LPA: variants seen among roughly 807,000 people sequenced by gnomAD.
The protein encoded by LPA is lipoprotein(a).
A neutral mutation model predicts 197.9 loss-of-function variants in LPA; 199 were observed. That is an observed-to-expected ratio of 1.01 (90% CI 0.90 to 1.13). The LOEUF (loss-of-function observed/expected upper bound fraction) is 1.13. LPA is among the 50% of genes most tolerant of loss of function. LPA has a pLI of 0.00. For synonymous variants in LPA, 715 were observed against 639.5 expected, an observed-to-expected ratio of 1.12 and a Z score of -1.78; for missense variants, 1,853 against 1,785.8, an observed-to-expected ratio of 1.04 and a Z score of -0.68.
At chr6:160,655,443 A>T (rs1780116044) in intron 1 of LPA, among the ~76,000 whole-genome samples, 1 of 152,184 alleles carries the variant, frequency 6.6e-6, no homozygotes, top group Non-Finnish European at 1.5e-5. Flanking sequence ...CCTGTTTCAG[A>T]GCCTTCTTTT....
At chr6:160,587,883 A>T (rs904578214) in intron 24 of LPA, among the ~76,000 whole-genome samples, 4 of 151,604 alleles carry the variant, frequency 2.6e-5, no homozygotes, top group Non-Finnish European at 5.9e-5. Context: ...TCCTACCGTA[A>T]TGTCTAAAGT....
chr6:160,552,560 GT>G (rs1321548623), intron 30 of LPA, among the ~76,000 whole-genome samples: 5 of 152,252 alleles, frequency 3.3e-5, no homozygotes, highest in East Asian at 3.9e-4. Context: ...TACAGAAAAA[GT>G]TTTTGCACAT....
chr6:160,576,384 A>ATG (rs1562327960), intron 28 of LPA, among the ~76,000 whole-genome samples: 13 of 73,000 alleles, frequency 1.8e-4, no homozygotes, highest in African/African-American at 2.2e-4. Context: ...ATATATATAT[A>ATG]TATATGTATA....
At chr6:160,589,448 G>C in intron 24 of LPA, 105 bp downstream of exon 24, 1 of 1,328,808 alleles carries the variant, frequency 7.5e-7, no homozygotes, top group South Asian at 1.2e-5. Flanking sequence ...CAACATTCTG[G>C]GTCTGAGAGA....
Position 160,611,687 on chromosome 6 carries a change from G to C in LPA, c.2478C>G (p.Cys826Trp). The C allele has an allele frequency of 1.9e-6, 3 of 1,541,260 alleles. No homozygotes were observed. Among genetic ancestry groups the C allele is most frequent in the South Asian group, 1.1e-5 (1 of 89,184 alleles). The part of the protein sequence containing the change: ...PTEQRPGVQE[C>W]YHGNGQSYRG... ...GATAACTCTGTCCATTACCGTGGTAGCACTCCTGCACCCCAGGCCTCTGCT... is the reference window on the plus strand; with the variant it reads ...GATAACTCTGTCCATTACCGTGGTACCACTCCTGCACCCCAGGCCTCTGCT... Residue 826 changes from cysteine to tryptophan, a missense_variant, in exon 16 of 39, where the codon TGC (cysteine) becomes TGG (tryptophan). Physicochemically the swap from Cys to Trp is radical, Grantham distance 215. Coordinates refer to ENST00000316300, the MANE Select transcript of LPA (RefSeq NM_005577.4).
At chr6:160,606,434 C>G in intron 17 of LPA, 43 bp downstream of exon 17, 1 of 1,606,742 alleles carries the variant, frequency 6.2e-7, no homozygotes, top group Non-Finnish European at 8.5e-7. Flanking sequence ...GGCTTTTCAT[C>G]CCAGCATCGA....
intron 16 of LPA, among the ~76,000 whole-genome samples, chr6:160,610,554 C>T (rs1779475536): frequency 6.6e-6 from 1 of 152,098 alleles, no homozygotes; most frequent in Non-Finnish European, 1.5e-5. Context: ...TGTTCTTTGC[C>T]ACACTTTCTG....
At chr6:160,653,973 TAA>T (rs1491121726) in intron 1 of LPA, among the ~76,000 whole-genome samples, 442 of 21,104 alleles carry the variant, frequency 0.021, 30 homozygotes, top group Non-Finnish European at 0.028. Flanking sequence ...ATATTATATA[TAA>T]TATATAATAT....
chr6:160,553,935 C>CTGTGTGTGTGTGTGTGTG lies in LPA; in HGVS notation c.4973+2089_4973+2090insCACACACACACACACACA, dbSNP rs1294838247. ...TCTCTCTCTTTCTCTCTCTCTCTCT[C>CTGTGTGTGTGTGTGTGTG]TCTGTGTGTGTGTGTGTGTGCGCGC... On this transcript the variant is annotated intron_variant, in intron 30 of 38. Coordinates refer to ENST00000316300, the MANE Select transcript of LPA (RefSeq NM_005577.4). Among the ~76,000 whole-genome samples, 25 of 70,966 alleles carry CTGTGTGTGTGTGTGTGTG rather than the reference C, an allele frequency of 3.5e-4. No individual in the cohort carries two copies. The South Asian group carries it at 6.7e-3, about 19-fold the overall frequency. 46.6% of individuals were successfully genotyped at this position (70,966 alleles called of 152,430 possible). A position where few individuals can be genotyped will look rare whatever the true frequency, so the allele number is the denominator to read the frequency against.
chr6:160,635,123 C>T lies in LPA; in HGVS notation c.1075G>A (p.Ala359Thr), dbSNP rs760667340. 53 of 1,473,942 alleles carry T rather than the reference C, an allele frequency of 3.6e-5. No homozygotes were observed. Among genetic ancestry groups the T allele is most frequent in the Non-Finnish European group, 4.7e-5 (51 of 1,074,562 alleles). 91.3% of individuals were successfully genotyped at this position (1,473,942 alleles called of 1,614,324 possible). A position where few individuals can be genotyped will look rare whatever the true frequency, so the allele number is the denominator to read the frequency against. Residue 359 changes from alanine to threonine, a missense_variant and splice_region_variant, in exon 7 of 39, where the codon GCA becomes ACA. By Grantham distance (58) the Ala-to-Thr change is moderately conservative. Transcript: ENST00000316300. ...VPSLEAPSEQ[A>T]PTEQRPGVQE... ...AGATGTCTGGCCACAGACTCCTTAC[C>T]TTGTTCGGAAGGAGCCTCTAGGCTT...
chr6:160,634,675 T>C (rs546313895), intron 7 of LPA, among the ~76,000 whole-genome samples: 2 of 151,654 alleles, frequency 1.3e-5, no homozygotes, highest in Non-Finnish European at 2.9e-5. Flanking sequence ...ATGGAATTAA[T>C]GCAGCCCTGT....
chr6:160,595,706 C>T (rs1779119823), intron 20 of LPA, among the ~76,000 whole-genome samples, 171 bp from the exon 21 acceptor site: 1 of 152,216 alleles, frequency 6.6e-6, no homozygotes, highest in Non-Finnish European at 1.5e-5. Flanking sequence ...CTGCGAACAT[C>T]TCAAAGACAA....
Position 160,605,110 on chromosome 6 carries a change from A to G in LPA, c.2881T>C (p.Cys961Arg), listed in dbSNP as rs780059745. ...GGTGTCATAGATGACCAAGCTTGGC[A>G]GGTTCTTCCTGTGACAGTAATGAAG... ...TYFITVTGRT[C>R]QAWSSMTPHS... is the part of the protein sequence containing the mutation. Residue 961 changes from cysteine to arginine, a missense_variant, in exon 18 of 39, where the codon TGC (cysteine) becomes CGC (arginine). By Grantham distance (180) the Cys-to-Arg change is radical (BLOSUM62 -3). Coordinates refer to ENST00000316300, the MANE Select transcript of LPA (RefSeq NM_005577.4). The G allele has an allele frequency of 1.2e-6, 2 of 1,613,964 alleles. No homozygotes were observed. Among genetic ancestry groups the G allele is most frequent in the South Asian group, 2.2e-5 (2 of 91,080 alleles).
intron 28 of LPA, among the ~76,000 whole-genome samples, chr6:160,565,667 C>T (rs1042095224): frequency 2.6e-5 from 4 of 152,236 alleles, no homozygotes; most frequent in Non-Finnish European, 5.9e-5. Context: ...CAAAGCTGGA[C>T]AGAGAATGAC....
intron 28 of LPA, among the ~76,000 whole-genome samples, chr6:160,573,288 T>A (rs1388298708): frequency 6.6e-6 from 1 of 152,082 alleles, no homozygotes; most frequent in East Asian, 1.9e-4. Context: ...GAATTTTTTA[T>A]TGTTTTTTTA....
In LPA at chr6:160,537,903, C is replaced by T. The variant is rs761853859; in HGVS notation, c.5794G>A (p.Val1932Ile). The T allele has an allele frequency of 2.3e-5, 37 of 1,614,084 alleles. No individual in the cohort carries two copies. The highest frequency in any genetic ancestry group is 1.2e-4 in the Admixed American group (7 of 60,000). Residue 1932 changes from valine to isoleucine, a missense_variant, in exon 37 of 39, where the codon GTC (valine) becomes ATC (isoleucine). Val to Ile is a conservative substitution (Grantham distance 29, BLOSUM62 3). Transcript: ENST00000316300. ...ATGTAACATTCAGTCCTGGCGGTGA[C>T]CATGTAGTCTGGGGATGGCAGACAA... ...PACLPSPDYM[V>I]TARTECYITG...
At chr6:160,661,643 A>C (rs1780228962) in intron 1 of LPA, among the ~76,000 whole-genome samples, 1 of 152,144 alleles carries the variant, frequency 6.6e-6, no homozygotes, top group South Asian at 2.1e-4. Flanking sequence ...ATGCTGGAAA[A>C]CTGGATTATT....
intron 30 of LPA, among the ~76,000 whole-genome samples, chr6:160,553,581 T>A (rs1349942603): frequency 6.6e-6 from 1 of 152,260 alleles, no homozygotes; most frequent in African/African-American, 2.4e-5. Context: ...CTTTCATTAC[T>A]GTCCCTCTAT....
At position 160,611,738 on chromosome 6, in the gene LPA, A is replaced by T; in HGVS notation, c.2444-17T>A. ...CAGTCGGTGCTGAAATGAAAACACA[A>T]GAAATAAACTGAGTATCTCTGAGAA... is the stretch of plus-strand genomic sequence containing the variant. On this transcript the variant is annotated splice_polypyrimidine_tract_variant and intron_variant, in intron 15 of 38. Coordinates refer to ENST00000316300, the MANE Select transcript of LPA (RefSeq NM_005577.4). The T allele has an allele frequency of 1.4e-6, 2 of 1,428,904 alleles. No individual in the cohort carries two copies. The highest frequency in any genetic ancestry group is 1.9e-6 in the Non-Finnish European group (2 of 1,037,708). The allele number at this position is 1,428,904 out of a possible 1,614,324, so 88.5% of individuals were successfully genotyped here.
Sources: gnomAD v4.1 joint callset for allele counts (sites outside exome capture counted in the v4.1 genomes callset) on GRCh38, gnomAD v4.1.1 for gene constraint, MANE v1.5 for transcripts, NCBI Gene and HGNC (gene_info 2026-07-23, HGNC 2026-07-21) for gene names.